HEPH: variants seen among roughly 807,000 people sequenced by gnomAD.
The protein encoded by HEPH is hephaestin.
Under a neutral mutation model 80.8 loss-of-function variants are expected in HEPH, and 69 were observed. The ratio of observed to expected loss-of-function variants is 0.85; its 90% CI spans 0.70 to 1.04. The LOEUF is 1.04. Among genes scored for constraint, HEPH ranks in the 50% least tolerant of loss-of-function variants. HEPH has a pLI of 0.00. For synonymous variants in HEPH, 431 were observed against 322.8 expected (o/e 1.34, Z -3.60); for missense variants, 1,115 against 891.3 (o/e 1.25, Z -3.20).
chrX:66,248,616 T>C (rs764510851), intron 15 of HEPH, among the ~76,000 whole-genome samples: 1 of 112,218 alleles, frequency 8.9e-6, no homozygotes, highest in Non-Finnish European at 1.9e-5. Flanking sequence ...CTAAGATTGA[T>C]GGTAAGAATG....
chrX:66,256,007 C>T, intron 16 of HEPH, 98 bp from the exon 17 acceptor site: 1 of 531,083 alleles, frequency 1.9e-6, no homozygotes, highest in Non-Finnish European at 3.1e-6. Flanking sequence ...TGCTGAGAGG[C>T]ACAGTGGGCT....
chrX:66,208,933 C>A lies in HEPH; in HGVS notation c.2563+687C>A, dbSNP rs762235532. Among the ~76,000 whole-genome samples the A allele has an allele frequency of 1.2e-4, 13 of 108,959 alleles. No homozygotes were observed. The South Asian group carries it at 4.5e-3, about 37-fold the overall frequency. 94.6% of individuals were successfully genotyped at this position (108,959 alleles called of 115,157 possible). ...AAAGTTCTTGTACCCTTCTTGCAGA[C>A]TGAATTCTAACCCCAGTCACATACT... On this transcript the variant is annotated intron_variant, in intron 15 of 20. Coordinates refer to ENST00000343002, the MANE Select transcript of HEPH (RefSeq NM_001367233.3).
intron 15 of HEPH, among the ~76,000 whole-genome samples, chrX:66,239,339 C>T (rs1211511653): frequency 1.8e-5 from 2 of 111,608 alleles, no homozygotes; most frequent in African/African-American, 6.5e-5. Context: ...CCCCTTCAAC[C>T]CAGCTTTTGT....
chrX:66,200,739 G>A lies in HEPH; in HGVS notation c.2064G>A (p.Gln688=), dbSNP rs746533608. The A allele has an allele frequency of 2.9e-5, 35 of 1,209,667 alleles. No homozygotes were observed. The South Asian group carries it at 6.0e-4, about 21-fold the overall frequency. The change falls in exon 12 of 21, where the codon CAG becomes CAA. Residue 688 remains glutamine (Q), a synonymous_variant. Transcript: ENST00000343002. ...ATACCTTTGTCATGGCCATCATGCA[G>A]CCTGACAACCTTGGTAAGTGCCTTA... is the stretch of plus-strand genomic sequence containing the variant. The part of the protein sequence containing the change: ...FPHTFVMAIM[Q]PDNLGTFEIY...
chrX:66,199,787 TG>T (rs2088324096), intron 11 of HEPH, among the ~76,000 whole-genome samples: 1 of 111,987 alleles, frequency 8.9e-6, no homozygotes, highest in South Asian at 3.7e-4. Flanking sequence ...GACAGGTAAG[TG>T]GTAGGATGCC....
At chrX:66,254,134 AT>A (rs2091094852) in intron 15 of HEPH, among the ~76,000 whole-genome samples, 1 of 111,822 alleles carries the variant, frequency 8.9e-6, no homozygotes, top group African/African-American at 3.2e-5. Context: ...TTAATATAGC[AT>A]TATTTGGAAG....
chrX:66,203,655 G>A, intron 13 of HEPH, 78 bp downstream of exon 13: 4 of 875,476 alleles, frequency 4.6e-6, no homozygotes, highest in South Asian at 2.4e-5. Flanking sequence ...CTGAGATGAG[G>A]AGACTCTTAT....
In HEPH at chrX:66,263,667, A is replaced by G; in HGVS notation, c.3223A>G (p.Ile1075Val). 4 of 1,210,266 alleles carry G rather than the reference A, an allele frequency of 3.3e-6. No homozygotes were observed. The highest frequency in any genetic ancestry group is 4.5e-6 in the Non-Finnish European group (4 of 894,429). ...RTEHLSPLTV[I>V]TKETEKAVPP... is the part of the protein sequence containing the mutation. ...AGAACACTTAAGCCCTCTCACCGTC[A>G]TCACCAAAGAGACTGAAAAAGGTAC... Residue 1075 changes from isoleucine to valine, a missense_variant, in exon 20 of 21, where the codon ATC (isoleucine) becomes GTC (valine). By Grantham distance (29) the Ile-to-Val change is conservative. Coordinates refer to ENST00000343002, the MANE Select transcript of HEPH (RefSeq NM_001367233.3).
Position 66,260,868 on chromosome X carries a change from G to T in HEPH, c.3199+606G>T, listed in dbSNP as rs895309529. 3.6e-5 allele frequency among the ~76,000 whole-genome samples: 4 copies of T among 110,417 alleles called. No homozygotes were observed. The Admixed American group carries it at 3.9e-4, about 11-fold the overall frequency. On this transcript the variant is annotated intron_variant, in intron 19 of 20. Transcript: ENST00000343002. ...TGGAGCCTCAGACTCTTAGACTCAA[G>T]CAGTCCTCCCACATCAGCCTCCCAA... is the stretch of plus-strand genomic sequence containing the variant.
intron 15 of HEPH, among the ~76,000 whole-genome samples, chrX:66,243,725 A>T (rs1354938265): frequency 8.9e-6 from 1 of 112,893 alleles, no homozygotes; most frequent in Non-Finnish European, 1.9e-5. Flanking sequence ...CCTGGTTATT[A>T]TGCAGACTTG....
intron 16 of HEPH, 143 bp from the exon 17 acceptor site, chrX:66,255,962 T>C: frequency 2.2e-6 from 1 of 446,129 alleles, no homozygotes; most frequent in East Asian, 3.7e-5. Context: ...AATAACATAG[T>C]GGGGTACTTA....
intron 4 of HEPH, among the ~76,000 whole-genome samples, chrX:66,188,046 G>A (rs2087566605): frequency 9.0e-6 from 1 of 111,073 alleles, no homozygotes; most frequent in African/African-American, 3.3e-5. Context: ...GGATATGTCA[G>A]ACTTGAAGAC....
In HEPH at chrX:66,231,715, T is replaced by G. The variant is rs1383618458; in HGVS notation, c.2564-23320T>G. On this transcript the variant is annotated intron_variant, in intron 15 of 20. Transcript: ENST00000343002. ...GGTTTTCTAGATATACAATCATGTC[T>G]TCTGCAAACAGGGACAATTTGACTT... Among the ~76,000 whole-genome samples the G allele has an allele frequency of 1.1e-3, 120 of 106,994 alleles. 1 individual carries two copies. Among genetic ancestry groups the G allele is most frequent in the African/African-American group, 3.9e-3 (115 of 29,266 alleles). 92.9% of individuals were successfully genotyped at this position (106,994 alleles called of 115,157 possible). A position where few individuals can be genotyped will look rare whatever the true frequency, so the allele number is the denominator to read the frequency against.
At chrX:66,231,451 C>A (rs1348433844) in intron 15 of HEPH, among the ~76,000 whole-genome samples, 2 of 105,335 alleles carry the variant, frequency 1.9e-5, no homozygotes, top group Non-Finnish European at 3.9e-5. Context: ...CTTTTATTTC[C>A]TTGAGCAGTG....
intron 5 of HEPH, among the ~76,000 whole-genome samples, chrX:66,189,137 A>C (rs1293091443): frequency 8.9e-6 from 1 of 112,408 alleles, no homozygotes; most frequent in Non-Finnish European, 1.9e-5. Flanking sequence ...TAAGGAAGTC[A>C]TTTACTGGCC....
At chrX:66,179,638 G>A (rs886463767) in intron 4 of HEPH, among the ~76,000 whole-genome samples, 2 of 111,345 alleles carry the variant, frequency 1.8e-5, no homozygotes, top group Admixed American at 9.6e-5. Context: ...TTGGTGACCT[G>A]TCTAGTGCTG....
chrX:66,180,476 G>A (rs908069345), intron 4 of HEPH, among the ~76,000 whole-genome samples: 3 of 111,144 alleles, frequency 2.7e-5, no homozygotes, highest in African/African-American at 9.8e-5. Context: ...TGAGAAATAT[G>A]CTGTTTATCT....
intron 12 of HEPH, 125 bp from the exon 13 acceptor site, chrX:66,203,239 G>T: frequency 1.9e-6 from 1 of 520,027 alleles, no homozygotes; most frequent in Non-Finnish European, 3.2e-6. Context: ...GTTAAGGCAA[G>T]AGCCTTATCT....
At position 66,266,850 on chromosome X, in the gene HEPH, C is replaced by G. The variant is rs949944954; in HGVS notation, c.*178C>G. 4 of 421,867 alleles carry G rather than the reference C, an allele frequency of 9.5e-6. No individual in the cohort carries two copies. Among genetic ancestry groups the G allele is most frequent in the South Asian group, 4.3e-5 (1 of 23,259 alleles). 34.8% of individuals were successfully genotyped at this position (421,867 alleles called of 1,213,427 possible). ...ATTTTACATGGAAATAATATGATTT[C>G]ACTTTTTCTTTAGTTTCTTTGCTCT... On this transcript the variant is annotated 3_prime_UTR_variant, in exon 21 of 21. Transcript: ENST00000343002.
Sources: allele counts gnomAD v4.1 joint callset (sites outside exome capture counted in the v4.1 genomes callset), GRCh38; gene constraint gnomAD v4.1.1; transcripts MANE v1.5; gene names NCBI Gene and HGNC (gene_info 2026-07-23, HGNC 2026-07-21).